ZNF41: variants seen among roughly 807,000 people sequenced by gnomAD.
The protein encoded by ZNF41 is zinc finger protein 41.
ZNF41 carries 6 observed loss-of-function variants against 9.3 expected under a neutral mutation model. That is an observed-to-expected ratio of 0.65 (90% CI 0.35 to 1.28). The LOEUF is 1.28. Among genes scored for constraint, ZNF41 ranks in the 50% most tolerant of loss-of-function variants. ZNF41 has a pLI of 0.03. For missense variants in ZNF41, 523 were observed against 585.8 expected (o/e 0.89, Z 1.11); for synonymous variants, 192 against 207.1 (o/e 0.93, Z 0.63).
At chrX:47,468,953 A>G (rs2057078936) in intron 1 of ZNF41, among the ~76,000 whole-genome samples, 1 of 111,675 alleles carries the variant, frequency 9.0e-6, no homozygotes, top group Non-Finnish European at 1.9e-5. Context: ...TTGAGACAGA[A>G]GGACTGACAT....
chrX:47,448,080 A>G lies in ZNF41; in HGVS notation c.1690T>C (p.Ser564Pro). The G allele has an allele frequency of 8.3e-7, 1 of 1,211,425 alleles. No individual in the cohort carries two copies. The highest frequency in any genetic ancestry group is 1.1e-6 in the Non-Finnish European group (1 of 895,463). Reference protein sequence around the residue: ...NGCGKAFIWKSRLKIHQKSHI... With the variant: ...NGCGKAFIWKPRLKIHQKSHI... The stretch of plus-strand genomic sequence containing the variant: ...GATTTCTGATGTATTTTGAGGCGCG[A>G]CTTCCATATGAAGGCTTTTCCACAG... Residue 564 changes from serine to proline, a missense_variant, in exon 5 of 5, where the codon TCG (serine) becomes CCG (proline). By Grantham distance (74) the Ser-to-Pro change is moderately conservative. Transcript: ENST00000684689.
rs190157075 is a variant in ZNF41, at chrX:47,455,358, G to A, written c.295+563C>T. ...CCAGCACTCTGGGAGGCCGAGTCAG[G>A]CAGATCAGTTGAGCCCAGGAGTTCG... On this transcript the variant is annotated intron_variant, in intron 4 of 4. Transcript: ENST00000684689. Among the ~76,000 whole-genome samples the A allele has an allele frequency of 3.6e-5, 4 of 109,682 alleles. No homozygotes were observed. In the Admixed American group the frequency reaches 3.9e-4, roughly 11 times the overall value.
At chrX:47,457,034 G>A (rs1372855258) in intron 2 of ZNF41, among the ~76,000 whole-genome samples, 1 of 112,105 alleles carries the variant, frequency 8.9e-6, no homozygotes, top group African/African-American at 3.2e-5. Flanking sequence ...AAAGGAACAA[G>A]TCTTTTTTTC....
At chrX:47,471,464 AAAAAG>A (rs1000789386) in intron 1 of ZNF41, among the ~76,000 whole-genome samples, 1 of 110,079 alleles carries the variant, frequency 9.1e-6, no homozygotes, top group Non-Finnish European at 1.9e-5. Flanking sequence ...AAAGAAAAAA[AAAAAG>A]AAAAGACTAT....
At chrX:47,466,652 G>T (rs942440321) in intron 2 of ZNF41, among the ~76,000 whole-genome samples, 2 of 111,116 alleles carry the variant, frequency 1.8e-5, no homozygotes, top group African/African-American at 3.3e-5. Flanking sequence ...CAAGTAGCTG[G>T]GATTACAGGC....
chrX:47,470,871 G>C lies in ZNF41; in HGVS notation c.-279-3111C>G, dbSNP rs1472375742. On this transcript the variant is annotated intron_variant, in intron 1 of 4. Coordinates refer to ENST00000684689, the MANE Select transcript of ZNF41 (RefSeq NM_001324144.2). ...ACAAAAGACAAAGATTATGGGACTG[G>C]GCTAAAAAACAAAATATAGTTGCAA... 2.7e-5 allele frequency among the ~76,000 whole-genome samples: 3 copies of C among 111,200 alleles called. No individual in the cohort carries two copies. In the South Asian group the frequency reaches 1.1e-3, roughly 41 times the overall value.
Position 47,447,060 on chromosome X carries a change from G to A in ZNF41, c.*370C>T. On this transcript the variant is annotated 3_prime_UTR_variant, in exon 5 of 5. Coordinates refer to ENST00000684689, the MANE Select transcript of ZNF41 (RefSeq NM_001324144.2). The stretch of plus-strand genomic sequence containing the variant: ...AGGATATGCTGAACCAATCAGTACT[G>A]AATTTAAAAAGTTCTTTATCCAAAA... 1 of 219,924 alleles carries A rather than the reference G, an allele frequency of 4.5e-6. No individual in the cohort carries two copies. The highest frequency in any genetic ancestry group is 8.3e-6 in the Non-Finnish European group (1 of 120,890). The allele number at this position is 219,924 out of a possible 1,213,427, so 18.1% of individuals were successfully genotyped here. A position where few individuals can be genotyped will look rare whatever the true frequency, so the allele number is the denominator to read the frequency against.
Position 47,448,406 on chromosome X carries a change from T to C in ZNF41, c.1364A>G (p.Asn455Ser). The C allele has an allele frequency of 8.3e-7, 1 of 1,211,139 alleles. No individual in the cohort carries two copies. Among genetic ancestry groups the C allele is most frequent in the Non-Finnish European group, 1.1e-6 (1 of 895,311 alleles). The change falls in exon 5 of 5, where the codon AAC (asparagine) becomes AGC (serine). Residue 455 changes from asparagine to serine, a missense_variant. By Grantham distance (46) the Asn-to-Ser change is conservative. Coordinates refer to ENST00000684689, the MANE Select transcript of ZNF41 (RefSeq NM_001324144.2). The stretch of plus-strand genomic sequence containing the variant: ...TCCAGTATGAATTCTCTGATGTGTG[T>C]TGAAATGTGATTTCTGGATGAAGGC... ...GKAFIQKSHF[N>S]THQRIHTGEK... is the part of the protein sequence containing the mutation.
intron 1 of ZNF41, among the ~76,000 whole-genome samples, chrX:47,468,708 C>T: frequency 9.0e-6 from 1 of 111,408 alleles, no homozygotes; most frequent in Non-Finnish European, 1.9e-5. Context: ...TCCAGGACTG[C>T]TACAGGCCCC....
intron 4 of ZNF41, among the ~76,000 whole-genome samples, chrX:47,452,880 C>A (rs1755638853): frequency 1.8e-5 from 2 of 111,703 alleles, no homozygotes; most frequent in Non-Finnish European, 3.8e-5. Flanking sequence ...GTGTGAGCCA[C>A]CACGCCTGGC....
chrX:47,472,922 C>T (rs2057234795), intron 1 of ZNF41, among the ~76,000 whole-genome samples: 1 of 109,860 alleles, frequency 9.1e-6, no homozygotes, highest in Admixed American at 9.8e-5. Context: ...GGGGTTTCAC[C>T]ATATTGGTCA....
At chrX:47,451,361 C>T (rs1478705219) in intron 4 of ZNF41, among the ~76,000 whole-genome samples, 1 of 112,412 alleles carries the variant, frequency 8.9e-6, no homozygotes, top group African/African-American at 3.2e-5. Flanking sequence ...AATGTTTTGC[C>T]TCTCAGTTCC....
At position 47,467,067 on chromosome X, in the gene ZNF41, C is replaced by G. The variant is rs1248172539; in HGVS notation, c.72+343G>C. ...GTGGTGGGGGATGGAGGCTCCCTGG[C>G]TATGGATAGTGGCTGCTTCTACCTG... On this transcript the variant is annotated intron_variant, in intron 2 of 4. Transcript: ENST00000684689. 1.3e-4 allele frequency among the ~76,000 whole-genome samples: 14 copies of G among 111,773 alleles called. No homozygotes were observed. The Admixed American group carries it at 1.3e-3, about 11-fold the overall frequency.
At position 47,448,492 on chromosome X, in the gene ZNF41, G is replaced by A; in HGVS notation, c.1278C>T (p.Leu426=). ...CGKAFTRKSA[L]RMHQRIHTGE... is the part of the protein sequence containing the mutation. The stretch of plus-strand genomic sequence containing the variant: ...CCGTGTGGATTCTCTGATGCATCCT[G>A]AGTGCTGATTTTCTTGTGAAAGCCT... Residue 426 remains leucine (L), a synonymous_variant, in exon 5 of 5, where the codon CTC becomes CTT. Transcript: ENST00000684689. 1 of 1,211,728 alleles carries A rather than the reference G, an allele frequency of 8.3e-7. No individual in the cohort carries two copies. The highest frequency in any genetic ancestry group is 1.1e-6 in the Non-Finnish European group (1 of 895,526).
At chrX:47,480,616 T>C (rs2057446204) in intron 1 of ZNF41, among the ~76,000 whole-genome samples, 1 of 108,447 alleles carries the variant, frequency 9.2e-6, no homozygotes, top group African/African-American at 3.4e-5. Context: ...AGTCAAAATA[T>C]AGAGATAGAG....
chrX:47,454,818 T>C (rs2056492218), intron 4 of ZNF41, among the ~76,000 whole-genome samples: 1 of 111,471 alleles, frequency 9.0e-6, no homozygotes, highest in Non-Finnish European at 1.9e-5. Flanking sequence ...ATGTTTAATA[T>C]ATAATAAAAA....
chrX:47,472,218 A>G (rs1375214911), intron 1 of ZNF41, among the ~76,000 whole-genome samples: 1 of 111,129 alleles, frequency 9.0e-6, no homozygotes, highest in Non-Finnish European at 1.9e-5. Flanking sequence ...GCTTTATTCA[A>G]AACTAAAAAT....
At chrX:47,453,539 C>G (rs994132945) in intron 4 of ZNF41, among the ~76,000 whole-genome samples, 1 of 111,785 alleles carries the variant, frequency 8.9e-6, no homozygotes, top group African/African-American at 3.3e-5. Flanking sequence ...AGAAAATATA[C>G]AGATACGAGT....
intron 2 of ZNF41, among the ~76,000 whole-genome samples, chrX:47,458,293 A>T (rs910571232): frequency 8.9e-6 from 1 of 112,027 alleles, no homozygotes; most frequent in Non-Finnish European, 1.9e-5. Context: ...TTAAAAATAC[A>T]GTTCAAAATA....
Sources: allele counts gnomAD v4.1 joint callset (sites outside exome capture counted in the v4.1 genomes callset), GRCh38; gene constraint gnomAD v4.1.1; transcripts MANE v1.5; gene names NCBI Gene and HGNC (gene_info 2026-07-23, HGNC 2026-07-21).